Variants in TPH2 observed in about 807,000 individuals in gnomAD.
TPH2 encodes the protein tryptophan hydroxylase 2, also known as tryptophan 5-hydroxylase 2.
A neutral mutation model predicts 59.1 loss-of-function variants in TPH2; 27 were observed. The observed-to-expected ratio is 0.46, with a 90% CI of 0.34 to 0.63. The LOEUF is 0.63. Among genes scored for constraint, TPH2 ranks in the 30% least tolerant of loss-of-function variants. The pLI, the probability that TPH2 is intolerant of heterozygous loss-of-function variation, is 0.01. For missense variants in TPH2, 523 were observed against 588.3 expected (o/e 0.89, Z 1.15); for synonymous variants, 220 against 210.5 (o/e 1.05, Z -0.39).
intron 6 of TPH2, among the ~76,000 whole-genome samples, chr12:71,975,056 TA>T (rs1872078832): frequency 6.6e-6 from 1 of 152,038 alleles, no homozygotes. Context: ...ATGTGTCTAT[TA>T]AAAATATAAA....
At chr12:71,974,190 C>A (rs1443788654) in intron 6 of TPH2, among the ~76,000 whole-genome samples, 1 of 152,144 alleles carries the variant, frequency 6.6e-6, no homozygotes, top group African/African-American at 2.4e-5. Context: ...TCAGGCTTGC[C>A]TCTAAGGACT....
At chr12:71,984,790 C>T (rs1397853929) in intron 7 of TPH2, among the ~76,000 whole-genome samples, 4 of 152,168 alleles carry the variant, frequency 2.6e-5, no homozygotes, top group Non-Finnish European at 5.9e-5. Flanking sequence ...GAAAGCCGGT[C>T]ATCTGGCCTA....
chr12:71,978,171 A>C (rs746864998), intron 6 of TPH2, among the ~76,000 whole-genome samples: 2 of 152,120 alleles, frequency 1.3e-5, no homozygotes, highest in Non-Finnish European at 2.9e-5. Context: ...CCCCATTGTT[A>C]AGCAATGCAC....
chr12:72,003,147 T>G (rs910580037), intron 8 of TPH2, among the ~76,000 whole-genome samples: 2 of 152,214 alleles, frequency 1.3e-5, no homozygotes, highest in Non-Finnish European at 2.9e-5. Flanking sequence ...GAAAGACTTA[T>G]GCACAGCTGT....
At chr12:71,971,897 A>G (rs1488743056) in intron 5 of TPH2, among the ~76,000 whole-genome samples, 1 of 152,198 alleles carries the variant, frequency 6.6e-6, no homozygotes, top group Non-Finnish European at 1.5e-5. Flanking sequence ...CTCTTTACAG[A>G]AAAAGTTTGC....
intron 7 of TPH2, among the ~76,000 whole-genome samples, chr12:71,992,602 T>TA (rs903411110): frequency 1.4e-4 from 20 of 145,740 alleles, no homozygotes; most frequent in Non-Finnish European, 2.3e-4. Context: ...AGACCCTGAT[T>TA]AAAAAAAAAA....
chr12:72,001,592 A>G (rs1467068825), intron 8 of TPH2, among the ~76,000 whole-genome samples: 2 of 151,888 alleles, frequency 1.3e-5, no homozygotes, highest in African/African-American at 4.8e-5. Flanking sequence ...TAATTTTTGT[A>G]TTTTTAGTAG....
Position 72,031,669 on chromosome 12 carries a change from A to G in TPH2, c.1447A>G (p.Lys483Glu). ...GAATACAGTGTGTGATGCTTTAAAC[A>G]AAATGAACCAATATCTGGGGATTTG... ...DLNTVCDALN[K>E]MNQYLGI Residue 483 changes from lysine to glutamate, a missense_variant, in exon 11 of 11, where the codon AAA becomes GAA. By Grantham distance (56) the Lys-to-Glu change is moderately conservative (BLOSUM62 1). Transcript: ENST00000333850. 1 of 1,613,564 alleles carries G rather than the reference A, an allele frequency of 6.2e-7. No individual in the cohort carries two copies. The highest frequency in any genetic ancestry group is 8.5e-7 in the Non-Finnish European group (1 of 1,179,494).
chr12:71,999,232 A>G (rs960882623), intron 8 of TPH2, among the ~76,000 whole-genome samples: 16 of 152,336 alleles, frequency 1.1e-4, no homozygotes, highest in Admixed American at 9.8e-4. Context: ...AATAATGCTC[A>G]GTTTTGAGAA....
At chr12:71,966,395 T>C (rs1044609732) in intron 5 of TPH2, among the ~76,000 whole-genome samples, 5 of 152,196 alleles carry the variant, frequency 3.3e-5, no homozygotes, top group Non-Finnish European at 5.9e-5. Flanking sequence ...AACATGCCAA[T>C]GAGCTGCTAA....
chr12:72,022,858 T>G (rs1006147879), intron 9 of TPH2, among the ~76,000 whole-genome samples: 3 of 152,364 alleles, frequency 2.0e-5, no homozygotes, highest in East Asian at 3.9e-4. Context: ...GTGGCTTGGC[T>G]ACTCTGATTT....
intron 1 of TPH2, among the ~76,000 whole-genome samples, chr12:71,939,391 C>T (rs954341108): frequency 1.4e-4 from 6 of 43,806 alleles, no homozygotes; most frequent in African/African-American, 5.2e-4. Flanking sequence ...CTTAAATCTA[C>T]AGCCAAAAAA....
intron 7 of TPH2, among the ~76,000 whole-genome samples, chr12:71,993,868 C>G (rs1295757681): frequency 6.6e-6 from 1 of 152,170 alleles, no homozygotes; most frequent in Non-Finnish European, 1.5e-5. Context: ...CTATCTATAG[C>G]AAGAAACAGC....
At chr12:72,003,709 C>T (rs1202477155) in intron 8 of TPH2, among the ~76,000 whole-genome samples, 1 of 152,054 alleles carries the variant, frequency 6.6e-6, no homozygotes, top group South Asian at 2.1e-4. Context: ...AGGTGTTTGC[C>T]ATCTATTTAT....
At chr12:71,941,874 T>A in intron 2 of TPH2, 141 bp downstream of exon 2, 2 of 943,194 alleles carry the variant, frequency 2.1e-6, no homozygotes, top group Non-Finnish European at 3.4e-6. Flanking sequence ...CGTGAGGCTT[T>A]AAAAGGGGAG....
At position 71,956,085 on chromosome 12, in the gene TPH2, T is replaced by C. The variant is rs528258088; in HGVS notation, c.608+6430T>C. Among the ~76,000 whole-genome samples, 446 of 152,332 alleles carry C rather than the reference T, an allele frequency of 2.9e-3. 1 individual carries two copies. Among genetic ancestry groups the C allele is most frequent in the Admixed American group, 8.2e-3 (125 of 15,304 alleles). On this transcript the variant is annotated intron_variant, in intron 5 of 10. Coordinates refer to ENST00000333850, the MANE Select transcript of TPH2 (RefSeq NM_173353.4). ...GACCTGCTTCCAATATGGTTACTCA[T>C]AGGGCTGTTTGCAGGAGGCGTCAGT...
chr12:71,955,987 T>C (rs1035560549), intron 5 of TPH2, among the ~76,000 whole-genome samples: 1 of 152,246 alleles, frequency 6.6e-6, no homozygotes, highest in Non-Finnish European at 1.5e-5. Context: ...TGGAGGGTTC[T>C]AGATTAGGGT....
chr12:71,949,527 A>T (rs1871286942), intron 4 of TPH2, 61 bp from the exon 5 acceptor site: 12 of 1,390,628 alleles, frequency 8.6e-6, no homozygotes, highest in Non-Finnish European at 1.2e-5. Flanking sequence ...ATTTTCTTTT[A>T]GGTCTTCTGC....
In TPH2 at chr12:71,944,455, G is replaced by C; in HGVS notation, c.417G>C (p.Glu139Asp). 9.3e-6 allele frequency: 15 copies of C among 1,613,950 alleles called. No homozygotes were observed. The highest frequency in any genetic ancestry group is 1.3e-5 in the Non-Finnish European group (15 of 1,179,878). The stretch of plus-strand genomic sequence containing the variant: ...CTATTGTGACGCTGAATCCTCCAGA[G>C]AACATTTGGACAGAGGAAGAAGGCA... ...QTTIVTLNPP[E>D]NIWTEEEELE... is the part of the protein sequence containing the mutation. The change falls in exon 3 of 11, where the codon GAG becomes GAC. Residue 139 changes from glutamate to aspartate, a missense_variant. By Grantham distance (45) the Glu-to-Asp change is conservative. Coordinates refer to ENST00000333850, the MANE Select transcript of TPH2 (RefSeq NM_173353.4).
Sources: allele counts gnomAD v4.1 joint callset (sites outside exome capture counted in the v4.1 genomes callset), GRCh38; gene constraint gnomAD v4.1.1; transcripts MANE v1.5; gene names NCBI Gene and HGNC (gene_info 2026-07-23, HGNC 2026-07-21).